The following COL25A1 variants were observed in gnomAD, a reference collection of about 807,000 sequenced individuals.
COL25A1 encodes the protein collagen alpha-1(XXV) chain.
Under a neutral mutation model 128.4 loss-of-function variants are expected in COL25A1, and 103 were observed. The observed-to-expected ratio is 0.80, with a 90% confidence interval of 0.68 to 0.94. The LOEUF (loss-of-function observed/expected upper bound fraction) is 0.94, where lower values mean the gene tolerates loss of function less well. Among genes scored for constraint, COL25A1 ranks in the 40% least tolerant of loss-of-function variants. COL25A1 has a pLI of 0.00. For missense variants in COL25A1, 745 were observed against 840.0 expected (o/e 0.89, Z 1.40); for synonymous variants, 279 against 277.2 (o/e 1.01, Z -0.06).
At chr4:109,253,944 C>G (rs138881728) in intron 3 of COL25A1, among the ~76,000 whole-genome samples, 6,173 of 151,656 alleles carry the variant, frequency 0.041, 426 homozygotes, top group African/African-American at 0.14. Flanking sequence ...AAAATTATCC[C>G]GGTGCGGTGG....
rs952212307 is a variant in COL25A1, at chr4:108,811,836, A to G, written c.*2091T>C. 1 of 152,070 alleles carries G rather than the reference A, an allele frequency of 6.6e-6. No homozygotes were observed. The highest frequency in any genetic ancestry group is 1.5e-5 in the Non-Finnish European group (1 of 68,002). 9.4% of individuals were successfully genotyped at this position (152,070 alleles called of 1,614,324 possible). On this transcript the variant is annotated 3_prime_UTR_variant, in exon 38 of 38. Transcript: ENST00000399132. ...CTTTCAACCTTAAAAATTTAATAGA[A>G]AAAAAAGAAGATGCCATTTTGTATG...
At chr4:108,846,325 ATGT>A (rs1735094664) in intron 27 of COL25A1, 106 bp from the exon 28 acceptor site, 10 of 740,988 alleles carry the variant, frequency 1.3e-5, no homozygotes, top group Non-Finnish European at 2.2e-5. Flanking sequence ...GGTGGGTTCA[ATGT>A]TGAGATGATT....
intron 6 of COL25A1, among the ~76,000 whole-genome samples, chr4:109,004,396 G>A (rs546745799): frequency 6.2e-4 from 60 of 96,486 alleles, no homozygotes; most frequent in Non-Finnish European, 1.0e-3. Flanking sequence ...TAGAATTGAG[G>A]TTTGTGTTTT....
chr4:108,904,413 G>T (rs1005092349), intron 13 of COL25A1, among the ~76,000 whole-genome samples: 1 of 152,106 alleles, frequency 6.6e-6, no homozygotes, highest in East Asian at 1.9e-4. Context: ...GAAGTAAGAA[G>T]CATAATAAAT....
intron 3 of COL25A1, among the ~76,000 whole-genome samples, chr4:109,219,647 AT>A (rs1435746109): frequency 1.3e-5 from 2 of 152,042 alleles, no homozygotes; most frequent in East Asian, 3.9e-4. Context: ...CCTGTCTATT[AT>A]TTTCCATAAA....
intron 13 of COL25A1, among the ~76,000 whole-genome samples, chr4:108,901,614 A>C (rs1742865064): frequency 1.3e-5 from 2 of 152,156 alleles, no homozygotes; most frequent in Admixed American, 1.3e-4. Flanking sequence ...CTAAATCTTG[A>C]AGAACATATA....
intron 4 of COL25A1, 110 bp downstream of exon 4, chr4:109,050,025 A>G: frequency 1.3e-6 from 1 of 765,848 alleles, no homozygotes; most frequent in Non-Finnish European, 2.1e-6. Flanking sequence ...AAAGATTTAA[A>G]CACACACATA....
intron 11 of COL25A1, among the ~76,000 whole-genome samples, chr4:108,924,709 CT>C (rs1745851302): frequency 6.6e-6 from 1 of 152,206 alleles, no homozygotes; most frequent in Admixed American, 6.5e-5. Context: ...TGAGCTTCCC[CT>C]AATGGGTTCA....
chr4:108,961,131 T>C (rs1208286439), intron 8 of COL25A1, among the ~76,000 whole-genome samples: 1 of 152,242 alleles, frequency 6.6e-6, no homozygotes, highest in African/African-American at 2.4e-5. Context: ...CTATCTTTTC[T>C]TAACAGGAAT....
rs1386729103 is a variant in COL25A1 at position 108,940,622 on chromosome 4, G to A, written c.589C>T (p.Pro197Ser). ...GGGCCTGGAGGGCCAGGGGGTCCTG[G>A]AGGCCCTGCCTGTCCTTGGTCACCC... ...IKGDQGQAGP[P>S]GPPGPPGPRG... The change falls in exon 10 of 38, where the codon CCA becomes TCA. Residue 197 changes from proline (P) to serine (S), a missense_variant. By Grantham distance (74) the Pro-to-Ser change is moderately conservative (BLOSUM62 -1). This residue lies in a region of COL25A1 where 319 missense variants were observed against 324.9 expected (regional missense o/e 0.98). Transcript: ENST00000399132. 5.6e-6 allele frequency: 9 copies of A among 1,605,386 alleles called. No individual in the cohort carries two copies. Among genetic ancestry groups the A allele is most frequent in the Non-Finnish European group, 6.0e-6 (7 of 1,175,926 alleles).
intron 24 of COL25A1, among the ~76,000 whole-genome samples, chr4:108,857,055 A>G (rs1736610513): frequency 6.6e-6 from 1 of 152,092 alleles, no homozygotes. Flanking sequence ...GCCTCATGCC[A>G]GGCCCAGTTC....
intron 8 of COL25A1, among the ~76,000 whole-genome samples, chr4:108,961,195 G>A (rs958551413): frequency 3.9e-5 from 6 of 152,166 alleles, no homozygotes; most frequent in African/African-American, 7.2e-5. Context: ...TCTTGCATAT[G>A]TGGAGAATCT....
intron 5 of COL25A1, among the ~76,000 whole-genome samples, chr4:109,012,625 G>A (rs1756732086): frequency 6.6e-6 from 1 of 152,134 alleles, no homozygotes. Flanking sequence ...ACCTGGGCCA[G>A]CAGCTGCAGA....
intron 29 of COL25A1, 65 bp downstream of exon 29, chr4:108,845,124 G>A: frequency 7.5e-7 from 1 of 1,333,496 alleles, no homozygotes; most frequent in Non-Finnish European, 1.1e-6. Flanking sequence ...GGTGGAATAG[G>A]TAAGTAACAT....
rs1289496106 is a variant in COL25A1 at position 109,197,430 on chromosome 4, A to ATCT, written c.367+103152_367+103153insAGA. Among the ~76,000 whole-genome samples, 166 of 124,954 alleles carry ATCT rather than the reference A, an allele frequency of 1.3e-3. 1 individual carries two copies. The highest frequency in any genetic ancestry group is 4.5e-3 in the African/African-American group (151 of 33,238). The allele number at this position is 124,954 out of a possible 152,430, so 82.0% of individuals were successfully genotyped here. On this transcript the variant is annotated intron_variant, in intron 3 of 37. Transcript: ENST00000399132. Reference sequence around the variant, plus strand: ...AAATATATATTATATATTATATATAAATATTATATATTATATATATTATAT... The same window carrying ATCT: ...AAATATATATTATATATTATATATAATCTATATTATATATTATATATATTATAT...
At chr4:109,023,272 T>C (rs1757935988) in intron 5 of COL25A1, among the ~76,000 whole-genome samples, 1 of 152,146 alleles carries the variant, frequency 6.6e-6, no homozygotes, top group African/African-American at 2.4e-5. Context: ...TGCCAGACAT[T>C]TGTGCAGGCT....
At chr4:108,899,207 A>G (rs1742531033) in intron 14 of COL25A1, 27 bp from the exon 15 acceptor site, 1 of 1,598,688 alleles carries the variant, frequency 6.3e-7, no homozygotes, top group African/African-American at 1.3e-5. Flanking sequence ...AGATTGGGTG[A>G]CATCAAATCA....
chr4:108,845,082 G>T, intron 29 of COL25A1, 107 bp downstream of exon 29: 2 of 916,884 alleles, frequency 2.2e-6, no homozygotes, highest in Non-Finnish European at 3.6e-6. Context: ...GAGGTTTGAG[G>T]TCTGTCTACT....
At chr4:109,284,766 T>C (rs942043376) in intron 3 of COL25A1, among the ~76,000 whole-genome samples, 6 of 151,968 alleles carry the variant, frequency 3.9e-5, no homozygotes, top group African/African-American at 1.5e-4. Context: ...GGATTTAGGT[T>C]TTATAAACAC....
Sources: allele counts gnomAD v4.1 joint callset (sites outside exome capture counted in the v4.1 genomes callset), GRCh38; gene constraint gnomAD v4.1.1; regional missense constraint gnomAD v4.1.1; transcripts MANE v1.5; gene names NCBI Gene and HGNC (gene_info 2026-07-23, HGNC 2026-07-21).